The following SEMA5A variants were observed in gnomAD, a reference collection of about 807,000 sequenced individuals.
SEMA5A encodes the protein semaphorin 5A, also known as semaphorin-5A.
A neutral mutation model predicts 135.5 loss-of-function variants in SEMA5A; 55 were observed. That is an observed-to-expected ratio of 0.41 (90% CI 0.33 to 0.51). The LOEUF (loss-of-function observed/expected upper bound fraction) is 0.51, where lower values mean the gene tolerates loss of function less well. Among genes scored for constraint, SEMA5A ranks in the 20% least tolerant of loss-of-function variants. SEMA5A has a pLI of 0.37. For synonymous variants in SEMA5A, 580 were observed against 546.5 expected (o/e 1.06, Z -0.85); for missense variants, 1,290 against 1,419.9 (o/e 0.91, Z 1.47).
chr5:9,503,988 G>A lies in SEMA5A; in HGVS notation c.-175+41596C>T, dbSNP rs557579180. 4.3e-3 allele frequency among the ~76,000 whole-genome samples: 657 copies of A among 151,786 alleles called. 3 individuals are homozygous for A. Among genetic ancestry groups the A allele is most frequent in the African/African-American group, 0.015 (628 of 41,362 alleles). ...TCCCAGCACTTTGGGAGGCCGAGGC[G>A]GGCAGATCACAAGGTCAGGGATTTG... On this transcript the variant is annotated intron_variant, in intron 1 of 22. Coordinates refer to ENST00000382496, the MANE Select transcript of SEMA5A (RefSeq NM_003966.3).
At chr5:9,500,819 T>C (rs1277544793) in intron 1 of SEMA5A, among the ~76,000 whole-genome samples, 1 of 152,220 alleles carries the variant, frequency 6.6e-6, no homozygotes, top group East Asian at 1.9e-4. Flanking sequence ...AATATGTTTA[T>C]GCTACAATTC....
intron 3 of SEMA5A, among the ~76,000 whole-genome samples, chr5:9,379,336 G>C (rs888679029): frequency 2.0e-5 from 3 of 152,160 alleles, no homozygotes; most frequent in African/African-American, 7.2e-5. Flanking sequence ...TGGATATACA[G>C]ATTAATTATT....
At chr5:9,298,419 C>A (rs906627021) in intron 5 of SEMA5A, among the ~76,000 whole-genome samples, 1 of 152,132 alleles carries the variant, frequency 6.6e-6, no homozygotes, top group African/African-American at 2.4e-5. Flanking sequence ...TTTCAGGCCT[C>A]CAGAACTGTG....
At chr5:9,116,976 T>A (rs1419242924) in intron 15 of SEMA5A, among the ~76,000 whole-genome samples, 3 of 152,330 alleles carry the variant, frequency 2.0e-5, no homozygotes, top group Admixed American at 2.0e-4. Flanking sequence ...GAAAGACTAT[T>A]CAATAGAAAA....
At chr5:9,509,236 CACTT>C (rs1336552698) in intron 1 of SEMA5A, among the ~76,000 whole-genome samples, 1 of 149,140 alleles carries the variant, frequency 6.7e-6, no homozygotes, top group African/African-American at 2.5e-5. Context: ...CATTGCCTGA[CACTT>C]AGTAGGCATC....
intron 21 of SEMA5A, among the ~76,000 whole-genome samples, chr5:9,048,098 C>T (rs944652332): frequency 2.0e-5 from 3 of 152,196 alleles, no homozygotes; most frequent in Non-Finnish European, 2.9e-5. Flanking sequence ...AACTCTGCTC[C>T]ACTCTTGACC....
intron 8 of SEMA5A, among the ~76,000 whole-genome samples, chr5:9,207,226 C>A (rs1274327179): frequency 6.7e-6 from 1 of 150,350 alleles, no homozygotes; most frequent in Non-Finnish European, 1.5e-5. Flanking sequence ...TCTCTTGTTG[C>A]CCAGGCTGGA....
intron 16 of SEMA5A, among the ~76,000 whole-genome samples, chr5:9,085,785 T>C (rs189859825): frequency 0.019 from 2,916 of 152,130 alleles, 45 homozygotes; most frequent in South Asian, 0.044. Flanking sequence ...GACCCAAGAA[T>C]GGTAGATCCA....
chr5:9,494,802 G>A (rs576473143), intron 1 of SEMA5A, among the ~76,000 whole-genome samples: 1 of 152,184 alleles, frequency 6.6e-6, no homozygotes, highest in African/African-American at 2.4e-5. Flanking sequence ...TATTAGGCAA[G>A]AGATGTTTCC....
intron 1 of SEMA5A, among the ~76,000 whole-genome samples, chr5:9,481,689 T>G (rs1294403557): frequency 6.6e-6 from 1 of 152,178 alleles, no homozygotes. Context: ...ACTTATTTGT[T>G]TAGAGCCCAG....
At chr5:9,293,724 A>G (rs1313014824) in intron 5 of SEMA5A, among the ~76,000 whole-genome samples, 1 of 152,312 alleles carries the variant, frequency 6.6e-6, no homozygotes, top group East Asian at 1.9e-4. Flanking sequence ...TTGATCTGCC[A>G]TATGTCTAAT....
chr5:9,105,352 G>A (rs1403091525), intron 16 of SEMA5A, among the ~76,000 whole-genome samples: 3 of 152,204 alleles, frequency 2.0e-5, no homozygotes, highest in East Asian at 3.8e-4. Context: ...GCTTTAAAGT[G>A]TTGGCAGAAG....
intron 16 of SEMA5A, among the ~76,000 whole-genome samples, chr5:9,093,538 C>G (rs920470107): frequency 1.3e-5 from 2 of 151,980 alleles, no homozygotes; most frequent in African/African-American, 4.8e-5. Context: ...GAAACCCCGT[C>G]TCTACTAAAA....
chr5:9,537,909 G>C (rs536657386), intron 1 of SEMA5A, among the ~76,000 whole-genome samples: 1 of 152,306 alleles, frequency 6.6e-6, no homozygotes, highest in African/African-American at 2.4e-5. Context: ...CCAAAGCCAT[G>C]CTGAGTGTAT....
At chr5:9,490,876 C>T (rs1393325727) in intron 1 of SEMA5A, among the ~76,000 whole-genome samples, 2 of 152,200 alleles carry the variant, frequency 1.3e-5, no homozygotes, top group African/African-American at 2.4e-5. Context: ...GGCCAATGCT[C>T]AGGCTGTCCC....
chr5:9,497,103 A>G (rs559828410), intron 1 of SEMA5A, among the ~76,000 whole-genome samples: 1 of 152,294 alleles, frequency 6.6e-6, no homozygotes, highest in East Asian at 1.9e-4. Context: ...TCTCCCCTTT[A>G]GTTGAGCACA....
At chr5:9,496,899 C>A (rs1017752160) in intron 1 of SEMA5A, among the ~76,000 whole-genome samples, 2 of 152,210 alleles carry the variant, frequency 1.3e-5, no homozygotes, top group African/African-American at 4.8e-5. Context: ...CTACCAGCTA[C>A]CAGGAGTGAC....
intron 13 of SEMA5A, among the ~76,000 whole-genome samples, chr5:9,123,319 G>A (rs1407317091): frequency 2.3e-5 from 3 of 130,704 alleles, no homozygotes; most frequent in African/African-American, 5.4e-5. Context: ...GTATTTCAAC[G>A]TAAAGCAGCA....
chr5:9,519,375 G>A (rs1269469340), intron 1 of SEMA5A, among the ~76,000 whole-genome samples: 3 of 152,158 alleles, frequency 2.0e-5, no homozygotes, highest in Non-Finnish European at 2.9e-5. Flanking sequence ...TCTTCAGATG[G>A]CATCAACAGC....
Sources: allele counts gnomAD v4.1 joint callset (sites outside exome capture counted in the v4.1 genomes callset), GRCh38; gene constraint gnomAD v4.1.1; transcripts MANE v1.5; gene names NCBI Gene and HGNC (gene_info 2026-07-23, HGNC 2026-07-21).